The following ATRNL1 variants were observed in gnomAD, a reference collection of about 807,000 sequenced individuals.
ATRNL1 encodes the protein attractin like 1.
Under a neutral mutation model 182.7 loss-of-function variants are expected in ATRNL1, and 95 were observed. The ratio of observed to expected loss-of-function variants is 0.52; its 90% CI spans 0.44 to 0.62. ATRNL1 has a LOEUF of 0.62. Ranked by LOEUF, ATRNL1 falls within the 20% of genes least tolerant of loss-of-function variation. The pLI, the probability that ATRNL1 is intolerant of heterozygous loss-of-function variation, is 0.00. For synonymous variants in ATRNL1, 576 were observed against 568.3 expected, an observed-to-expected ratio of 1.01 and a Z score of -0.19; for missense variants, 1,471 against 1,679.5, an observed-to-expected ratio of 0.88 and a Z score of 2.17.
At chr10:115,441,090 A>T (rs1269111289) in intron 21 of ATRNL1, among the ~76,000 whole-genome samples, 5 of 151,838 alleles carry the variant, frequency 3.3e-5, no homozygotes, top group African/African-American at 9.7e-5. Context: ...CTCTGTTCCT[A>T]ACAAAAGCCT....
intron 10 of ATRNL1, among the ~76,000 whole-genome samples, chr10:115,245,007 T>C (rs1850569797): frequency 6.6e-6 from 1 of 152,196 alleles, no homozygotes; most frequent in Non-Finnish European, 1.5e-5. Flanking sequence ...TAATCGAGTT[T>C]TCAAAATAAA....
chr10:115,858,039 C>T (rs1384792557), intron 28 of ATRNL1, among the ~76,000 whole-genome samples: 2 of 152,218 alleles, frequency 1.3e-5, no homozygotes, highest in African/African-American at 2.4e-5. Flanking sequence ...TGTTGCAATA[C>T]CCAAGCTGCC....
At chr10:115,380,514 C>A (rs1592562408) in intron 19 of ATRNL1, among the ~76,000 whole-genome samples, 1 of 152,216 alleles carries the variant, frequency 6.6e-6, no homozygotes, top group African/African-American at 2.4e-5. Flanking sequence ...GCAGCCATTC[C>A]CCTTCCTCCC....
chr10:115,434,150 T>C (rs1554964452), intron 21 of ATRNL1, among the ~76,000 whole-genome samples: 1 of 151,442 alleles, frequency 6.6e-6, no homozygotes, highest in Non-Finnish European at 1.5e-5. Context: ...AATGATTTTA[T>C]GTCATAGAGG....
chr10:115,271,503 C>T (rs1258616992), intron 13 of ATRNL1, among the ~76,000 whole-genome samples: 3 of 152,016 alleles, frequency 2.0e-5, no homozygotes, highest in African/African-American at 4.8e-5. Flanking sequence ...TTTGACCCAG[C>T]CATCCCGTTA....
At chr10:115,368,409 C>G (rs1161628489) in intron 19 of ATRNL1, among the ~76,000 whole-genome samples, 2 of 152,196 alleles carry the variant, frequency 1.3e-5, no homozygotes, top group Non-Finnish European at 2.9e-5. Flanking sequence ...ACCCACTGAC[C>G]TGCACCCACT....
chr10:115,257,785 T>C (rs1428585659), intron 10 of ATRNL1, among the ~76,000 whole-genome samples: 1 of 152,212 alleles, frequency 6.6e-6, no homozygotes, highest in Non-Finnish European at 1.5e-5. Flanking sequence ...CTTCAGGAGC[T>C]CTTGTAAGGC....
intron 1 of ATRNL1, among the ~76,000 whole-genome samples, chr10:115,103,662 T>C (rs75455212): frequency 0.012 from 1,884 of 152,296 alleles, 34 homozygotes; most frequent in African/African-American, 0.042. Flanking sequence ...TTATACTTTC[T>C]ACCCATTAAC....
intron 20 of ATRNL1, among the ~76,000 whole-genome samples, chr10:115,424,171 G>A (rs1845775190): frequency 6.6e-6 from 1 of 151,944 alleles, no homozygotes; most frequent in South Asian, 2.1e-4. Flanking sequence ...ACTGATATAA[G>A]AAGAAGAAAC....
chr10:115,789,451 T>A (rs553530456), intron 27 of ATRNL1, among the ~76,000 whole-genome samples: 10 of 152,160 alleles, frequency 6.6e-5, no homozygotes, highest in Admixed American at 5.9e-4. Flanking sequence ...CAAATTATAG[T>A]GTGCTTGATG....
At chr10:115,714,422 G>A (rs1485113219) in intron 26 of ATRNL1, among the ~76,000 whole-genome samples, 1 of 152,004 alleles carries the variant, frequency 6.6e-6, no homozygotes, top group African/African-American at 2.4e-5. Context: ...GAACAGGAGA[G>A]GCCACGTTCC....
intron 24 of ATRNL1, among the ~76,000 whole-genome samples, chr10:115,503,948 A>G (rs1565111086): frequency 6.6e-6 from 1 of 151,694 alleles, no homozygotes; most frequent in East Asian, 1.9e-4. Context: ...CCTTCTTGTA[A>G]TATAACCTTT....
intron 21 of ATRNL1, among the ~76,000 whole-genome samples, chr10:115,454,926 A>G (rs1847450235): frequency 6.6e-6 from 1 of 152,084 alleles, no homozygotes; most frequent in African/African-American, 2.4e-5. Context: ...CTTACTTCCA[A>G]TACTGTCTTG....
At chr10:115,165,870 T>C (rs1847016402) in intron 7 of ATRNL1, among the ~76,000 whole-genome samples, 1 of 152,120 alleles carries the variant, frequency 6.6e-6, no homozygotes, top group Non-Finnish European at 1.5e-5. Flanking sequence ...TGAGTTTTTG[T>C]CTATTTATGC....
At position 115,944,791 on chromosome 10, in the gene ATRNL1, C is replaced by T. The variant is rs372384405; in HGVS notation, c.*12C>T. 21 of 1,612,112 alleles carry T rather than the reference C, an allele frequency of 1.3e-5. No homozygotes were observed. The highest frequency in any genetic ancestry group is 4.4e-5 in the South Asian group (4 of 90,784). On this transcript the variant is annotated 3_prime_UTR_variant, in exon 29 of 29. Coordinates refer to ENST00000355044, the MANE Select transcript of ATRNL1 (RefSeq NM_207303.4). ...GAACTTGTGTCTGAGAAATGGAAAC[C>T]GCTCCTGTATATTCTGTACTGTTTT... is the stretch of plus-strand genomic sequence containing the variant.
At chr10:115,298,906 A>C (rs1385996753) in intron 15 of ATRNL1, among the ~76,000 whole-genome samples, 3 of 152,072 alleles carry the variant, frequency 2.0e-5, no homozygotes, top group Non-Finnish European at 4.4e-5. Context: ...AGTGTTTACT[A>C]TGTGAAATTT....
intron 28 of ATRNL1, among the ~76,000 whole-genome samples, chr10:115,875,984 A>C (rs1416310221): frequency 1.3e-5 from 2 of 152,204 alleles, no homozygotes; most frequent in African/African-American, 2.4e-5. Context: ...GGACACTGAA[A>C]GGCAAAGTAG....
Position 115,618,658 on chromosome 10 carries a change from C to T in ATRNL1, c.3795+69122C>T, listed in dbSNP as rs1044049067. 5.3e-5 allele frequency among the ~76,000 whole-genome samples: 8 copies of T among 151,978 alleles called. No homozygotes were observed. The South Asian group carries it at 6.2e-4, about 12-fold the overall frequency. ...TTTTTATTTTGTTCATTAAATTCTTCGTTTTCAAGATTTGGATTTTTATAA... is the reference window on the plus strand; with the variant it reads ...TTTTTATTTTGTTCATTAAATTCTTTGTTTTCAAGATTTGGATTTTTATAA... On this transcript the variant is annotated intron_variant, in intron 26 of 28. Transcript: ENST00000355044.
intron 9 of ATRNL1, among the ~76,000 whole-genome samples, chr10:115,227,514 TTTC>T (rs1554898908): frequency 6.6e-6 from 1 of 152,092 alleles, no homozygotes; most frequent in African/African-American, 2.4e-5. Context: ...AGTTTGGAGA[TTTC>T]TTAAAGAACT....
Sources: gnomAD v4.1 joint callset for allele counts (sites outside exome capture counted in the v4.1 genomes callset) on GRCh38, gnomAD v4.1.1 for gene constraint, MANE v1.5 for transcripts, NCBI Gene and HGNC (gene_info 2026-07-23, HGNC 2026-07-21) for gene names.